Variants in SPOPL observed in about 807,000 individuals in gnomAD.
SPOPL encodes speckle type BTB/POZ protein like.
SPOPL carries 23 observed loss-of-function variants against 53.8 expected under a neutral mutation model. The ratio of observed to expected loss-of-function variants is 0.43; its 90% CI spans 0.31 to 0.61. The LOEUF is 0.61. Ranked by LOEUF, SPOPL falls within the 20% of genes least tolerant of loss-of-function variation. The pLI, the probability that SPOPL is intolerant of heterozygous loss-of-function variation, is 0.12. For synonymous variants in SPOPL, 164 were observed against 149.7 expected, an observed-to-expected ratio of 1.10 and a Z score of -0.70; for missense variants, 442 against 466.9, an observed-to-expected ratio of 0.95 and a Z score of 0.49.
chr2:138,567,408 TG>T, intron 10 of SPOPL, among the ~76,000 whole-genome samples: 1 of 148,698 alleles, frequency 6.7e-6, no homozygotes, highest in Non-Finnish European at 1.5e-5. Flanking sequence ...TGTGTGTGTG[TG>T]TGTGTGTGTG....
At chr2:138,518,099 A>C (rs919061418) in intron 1 of SPOPL, among the ~76,000 whole-genome samples, 3 of 151,696 alleles carry the variant, frequency 2.0e-5, no homozygotes, top group African/African-American at 7.2e-5. Context: ...TTGGTAAATG[A>C]AGAAGGAAGA....
chr2:138,535,048 C>T (rs914220976), intron 1 of SPOPL, among the ~76,000 whole-genome samples: 1 of 152,124 alleles, frequency 6.6e-6, no homozygotes, highest in African/African-American at 2.4e-5. Context: ...CCCAGGAGTT[C>T]AGGACCAAAC....
chr2:138,529,555 T>C (rs1373994189), intron 1 of SPOPL, among the ~76,000 whole-genome samples: 5 of 146,892 alleles, frequency 3.4e-5, no homozygotes, highest in Non-Finnish European at 7.5e-5. Flanking sequence ...CGCGCGCTTC[T>C]GCATTCTCCT....
Position 138,564,816 on chromosome 2 carries a change from C to G in SPOPL, c.946C>G (p.Gln316Glu), listed in dbSNP as rs778016867. The G allele has an allele frequency of 6.2e-7, 1 of 1,614,062 alleles. No individual in the cohort carries two copies. The highest frequency in any genetic ancestry group is 1.3e-5 in the African/African-American group (1 of 74,926). The change falls in exon 9 of 11, where the codon CAG becomes GAG. Residue 316 changes from glutamine (Q) to glutamate (E), a missense_variant. By Grantham distance (29) the Gln-to-Glu change is conservative. Coordinates refer to ENST00000280098, the MANE Select transcript of SPOPL (RefSeq NM_001001664.3). ...CCTTGCAGATTTGCACAGTGCAGAA[C>G]AGTTGAAAGCACAAGCCATAGACTT... Reference protein sequence around the residue: ...LVLADLHSAEQLKAQAIDFIN... With the variant: ...LVLADLHSAEELKAQAIDFIN...
intron 1 of SPOPL, among the ~76,000 whole-genome samples, chr2:138,515,116 A>G (rs1181448768): frequency 6.6e-6 from 1 of 152,230 alleles, no homozygotes; most frequent in Non-Finnish European, 1.5e-5. Context: ...AATTTAAGGA[A>G]AATGAGACGG....
intron 1 of SPOPL, among the ~76,000 whole-genome samples, chr2:138,543,895 A>G (rs907443778): frequency 6.6e-6 from 1 of 151,974 alleles, no homozygotes; most frequent in African/African-American, 2.4e-5. Context: ...GATGATGGTG[A>G]CTTACAGATG....
At chr2:138,516,065 G>C (rs1684431523) in intron 1 of SPOPL, among the ~76,000 whole-genome samples, 1 of 152,158 alleles carries the variant, frequency 6.6e-6, no homozygotes, top group South Asian at 2.1e-4. Context: ...AAAAAAAACA[G>C]AAGTACATGT....
intron 1 of SPOPL, among the ~76,000 whole-genome samples, chr2:138,547,370 A>G (rs966449818): frequency 3.0e-4 from 46 of 152,320 alleles, no homozygotes; most frequent in African/African-American, 1.1e-3. Context: ...TAACTCTTCT[A>G]GAGATATTGA....
rs1313704374 is a variant in SPOPL at position 138,519,482 on chromosome 2, TTCCCTATATGTAGAATAGAAGTAAA to T, written c.-61+17365_-61+17389del. On this transcript the variant is annotated intron_variant, in intron 1 of 10. Transcript: ENST00000280098. ...TAGCATTGCTTTTCTGTGTTTCAGT[TTCCCTATATGTAGAATAGAAGTAAA>T]TACTTAACAGGTTTGTCTAGAGGAT... 8.5e-5 allele frequency among the ~76,000 whole-genome samples: 13 copies of T among 152,240 alleles called. No homozygotes were observed. In the South Asian group the frequency reaches 2.7e-3, roughly 32 times the overall value.
chr2:138,518,346 T>C (rs191993236), intron 1 of SPOPL, among the ~76,000 whole-genome samples: 1 of 152,252 alleles, frequency 6.6e-6, no homozygotes, highest in Admixed American at 6.5e-5. Context: ...GATCCAGAAT[T>C]TGCAATAACT....
chr2:138,529,541 T>TGCAC (rs1684760752), intron 1 of SPOPL, among the ~76,000 whole-genome samples: 1 of 151,104 alleles, frequency 6.6e-6, no homozygotes, highest in African/African-American at 2.4e-5. Context: ...TGTGTTTGCG[T>TGCAC]GCGCGCGCGC....
chr2:138,523,792 G>T (rs1270757327), intron 1 of SPOPL, among the ~76,000 whole-genome samples: 1 of 152,116 alleles, frequency 6.6e-6, no homozygotes, highest in Non-Finnish European at 1.5e-5. Flanking sequence ...AACATCCTTT[G>T]GTCTCAAGCA....
chr2:138,532,249 A>G (rs1368863462), intron 1 of SPOPL, among the ~76,000 whole-genome samples: 1 of 152,120 alleles, frequency 6.6e-6, no homozygotes, highest in East Asian at 1.9e-4. Context: ...TTTTATCTCC[A>G]GCGCCGTAAG....
chr2:138,504,282 A>AAT (rs2104850319), intron 1 of SPOPL, among the ~76,000 whole-genome samples: 1 of 152,296 alleles, frequency 6.6e-6, no homozygotes, highest in South Asian at 2.1e-4. Flanking sequence ...CCTGACCTAG[A>AAT]ATAACCTTTG....
chr2:138,507,573 C>A (rs148772775), intron 1 of SPOPL, among the ~76,000 whole-genome samples: 1 of 152,066 alleles, frequency 6.6e-6, no homozygotes, highest in Non-Finnish European at 1.5e-5. Context: ...GTGGAGAAGA[C>A]GAGTTAAACA....
intron 1 of SPOPL, among the ~76,000 whole-genome samples, chr2:138,531,630 A>G (rs1684811453): frequency 6.6e-6 from 1 of 152,148 alleles, no homozygotes; most frequent in South Asian, 2.1e-4. Context: ...TTTAGTGAAA[A>G]TACCTTCATT....
chr2:138,566,418 C>A (rs1425225038), intron 10 of SPOPL, among the ~76,000 whole-genome samples: 1 of 151,864 alleles, frequency 6.6e-6, no homozygotes, highest in Non-Finnish European at 1.5e-5. Context: ...TGTTTTGTAC[C>A]CCCTTGGAGA....
At chr2:138,556,728 A>G (rs1217597898) in intron 5 of SPOPL, among the ~76,000 whole-genome samples, 1 of 152,210 alleles carries the variant, frequency 6.6e-6, no homozygotes, top group Non-Finnish European at 1.5e-5. Context: ...TTATTTATTT[A>G]TACAATATCT....
chr2:138,568,837 C>G (rs1407308165), intron 10 of SPOPL, 99 bp from the exon 11 acceptor site: 12 of 1,276,896 alleles, frequency 9.4e-6, no homozygotes, highest in Non-Finnish European at 1.3e-5. Flanking sequence ...AAAAAGTGTT[C>G]AAATATTTTG....
Sources: gnomAD v4.1 joint callset for allele counts (sites outside exome capture counted in the v4.1 genomes callset) on GRCh38, gnomAD v4.1.1 for gene constraint, MANE v1.5 for transcripts, NCBI Gene and HGNC (gene_info 2026-07-23, HGNC 2026-07-21) for gene names.